The following MAN1A2 variants were observed in gnomAD, a reference collection of about 807,000 sequenced individuals.
MAN1A2 encodes the protein mannosidase alpha class 1A member 2, also known as mannosyl-oligosaccharide 1,2-alpha-mannosidase IB.
A neutral mutation model predicts 75.7 loss-of-function variants in MAN1A2; 26 were observed. The ratio of observed to expected loss-of-function variants is 0.34; its 90% CI spans 0.25 to 0.48. The LOEUF is 0.48. MAN1A2 is among the 20% of genes least tolerant of loss of function. MAN1A2 has a pLI of 0.99. For missense variants in MAN1A2, 562 were observed against 775.5 expected (o/e 0.72, Z 3.27); for synonymous variants, 247 against 264.6 (o/e 0.93, Z 0.65).
At chr1:117,420,379 CA>C (rs1418742085) in intron 4 of MAN1A2, among the ~76,000 whole-genome samples, 189 bp from the exon 5 acceptor site, 3 of 151,928 alleles carry the variant, frequency 2.0e-5, no homozygotes, top group Non-Finnish European at 2.9e-5. Flanking sequence ...GCTGTGGTGA[CA>C]GCAGTAGAGA....
chr1:117,449,187 A>G (rs1043748478), intron 6 of MAN1A2, among the ~76,000 whole-genome samples: 5 of 152,104 alleles, frequency 3.3e-5, no homozygotes, highest in Admixed American at 2.0e-4. Context: ...AGACAGAACA[A>G]TGCCAATAAA....
chr1:117,428,063 A>C (rs1319881551), intron 5 of MAN1A2, among the ~76,000 whole-genome samples: 2 of 152,000 alleles, frequency 1.3e-5, no homozygotes, highest in Non-Finnish European at 2.9e-5. Context: ...AGACACGTAT[A>C]GCTTAACCAC....
intron 8 of MAN1A2, among the ~76,000 whole-genome samples, chr1:117,488,720 G>T (rs1195634829): frequency 6.6e-6 from 1 of 152,074 alleles, no homozygotes; most frequent in East Asian, 1.9e-4. Flanking sequence ...TAAAAAAAGT[G>T]AGAAGTAATA....
intron 7 of MAN1A2, among the ~76,000 whole-genome samples, chr1:117,465,910 A>G (rs1416281700): frequency 2.0e-5 from 3 of 152,186 alleles, no homozygotes; most frequent in Non-Finnish European, 4.4e-5. Flanking sequence ...TTCAATTCAA[A>G]TTAATAACTT....
intron 5 of MAN1A2, among the ~76,000 whole-genome samples, chr1:117,436,052 C>T (rs1407370863): frequency 6.6e-6 from 1 of 151,062 alleles, no homozygotes; most frequent in Non-Finnish European, 1.5e-5. Flanking sequence ...AGTGAGACTC[C>T]GTTTCAAAAA....
At chr1:117,373,538 C>T (rs1460330669) in intron 1 of MAN1A2, among the ~76,000 whole-genome samples, 1 of 144,014 alleles carries the variant, frequency 6.9e-6, no homozygotes, top group Non-Finnish European at 1.5e-5. Context: ...AGTGCAGTGG[C>T]ACAATTACAG....
chr1:117,408,455 G>A lies in MAN1A2; in HGVS notation c.655+2810G>A, dbSNP rs12081574. Among the ~76,000 whole-genome samples, 583 of 151,494 alleles carry A rather than the reference G, an allele frequency of 3.8e-3. 7 individuals carry two copies. Among genetic ancestry groups the A allele is most frequent in the African/African-American group, 0.013 (554 of 41,156 alleles). On this transcript the variant is annotated intron_variant, in intron 3 of 12. Transcript: ENST00000356554. ...TTGATTTTGCAATGCTCTTTGAAGG[G>A]TGCATTTTATTTTCCAGGTGTGTGT...
At chr1:117,411,739 A>G (rs1291444062) in intron 3 of MAN1A2, among the ~76,000 whole-genome samples, 2 of 151,804 alleles carry the variant, frequency 1.3e-5, no homozygotes, top group African/African-American at 2.4e-5. Context: ...AAGCACATCA[A>G]TAAGCAGGGA....
rs764342721 is a variant in MAN1A2, at chr1:117,525,061, G to T, written c.*2104G>T. 1.9e-6 allele frequency: 1 copy of T among 513,128 alleles called. No individual in the cohort carries two copies. Among genetic ancestry groups the T allele is most frequent in the Admixed American group, 2.1e-5 (1 of 48,712 alleles). The allele number at this position is 513,128 out of a possible 1,614,324, so 31.8% of individuals were successfully genotyped here. A position where few individuals can be genotyped will look rare whatever the true frequency, so the allele number is the denominator to read the frequency against. On this transcript the variant is annotated 3_prime_UTR_variant, in exon 13 of 13. Coordinates refer to ENST00000356554, the MANE Select transcript of MAN1A2 (RefSeq NM_006699.5). ...CTTTTACCTTATTTAGAAGAATGCA[G>T]AGTAAAGGGACCTTCTTGGTTCTGC...
intron 12 of MAN1A2, among the ~76,000 whole-genome samples, chr1:117,509,858 C>T (rs780597851): frequency 1.8e-4 from 27 of 151,480 alleles, no homozygotes; most frequent in Non-Finnish European, 3.4e-4. Flanking sequence ...CATCCAATCT[C>T]ACTTCCCAAA....
intron 8 of MAN1A2, 75 bp downstream of exon 8, chr1:117,466,502 A>C: frequency 1.0e-6 from 1 of 960,948 alleles, no homozygotes; most frequent in Non-Finnish European, 1.6e-6. Flanking sequence ...TGTTGTAAAA[A>C]GTACACTACG....
intron 5 of MAN1A2, among the ~76,000 whole-genome samples, chr1:117,430,046 T>A: frequency 3.2e-5 from 1 of 31,468 alleles, no homozygotes; most frequent in Non-Finnish European, 6.1e-5. Flanking sequence ...CCCCCCCACC[T>A]CCCTCCCGGA....
rs55923337 is a variant in MAN1A2, at chr1:117,464,356, C to CAAAAAA, written c.1075-1973_1075-1968dup. ...CCTGGGCGACAGAGCAAGACTCTGT[C>CAAAAAA]AAAAAAAAAAGAAACAGAACACTGC... On this transcript the variant is annotated intron_variant, in intron 7 of 12. Transcript: ENST00000356554. Among the ~76,000 whole-genome samples, 209 of 131,986 alleles carry CAAAAAA rather than the reference C, an allele frequency of 1.6e-3. 12 individuals carry two copies. Among genetic ancestry groups the CAAAAAA allele is most frequent in the Middle Eastern group, 3.9e-3 (1 of 256 alleles). The allele number at this position is 131,986 out of a possible 152,430, so 86.6% of individuals were successfully genotyped here.
At chr1:117,404,138 A>G (rs1473529486) in intron 2 of MAN1A2, among the ~76,000 whole-genome samples, 1 of 152,066 alleles carries the variant, frequency 6.6e-6, no homozygotes, top group Admixed American at 6.6e-5. Context: ...GTGGTATGGT[A>G]TCTGTCTTAG....
chr1:117,429,833 G>C (rs1332621943), intron 5 of MAN1A2, among the ~76,000 whole-genome samples: 387 of 51,728 alleles, frequency 7.5e-3, no homozygotes, highest in Non-Finnish European at 9.8e-3. Flanking sequence ...CCCTCCCGGA[G>C]GGGGCGGCTG....
chr1:117,430,094 T>A (rs1166981386), intron 5 of MAN1A2, among the ~76,000 whole-genome samples: 1 of 33,172 alleles, frequency 3.0e-5, no homozygotes, highest in Non-Finnish European at 5.5e-5. Context: ...GACCCCCCCA[T>A]CTCCCTCCCG....
intron 8 of MAN1A2, among the ~76,000 whole-genome samples, chr1:117,488,718 G>C (rs1255298176): frequency 2.0e-5 from 3 of 152,052 alleles, no homozygotes; most frequent in Admixed American, 1.3e-4. Context: ...ATTAAAAAAA[G>C]TGAGAAGTAA....
intron 2 of MAN1A2, among the ~76,000 whole-genome samples, chr1:117,404,802 C>T (rs1570716335): frequency 6.6e-6 from 1 of 152,094 alleles, no homozygotes. Context: ...CACCTGTAAT[C>T]CCAGCACTTT....
intron 4 of MAN1A2, among the ~76,000 whole-genome samples, chr1:117,416,618 A>G (rs1339716182): frequency 6.6e-6 from 1 of 152,182 alleles, no homozygotes; most frequent in Non-Finnish European, 1.5e-5. Flanking sequence ...TAGAATTGTT[A>G]TCCAACTAAT....
Sources: gnomAD v4.1 joint callset for allele counts (sites outside exome capture counted in the v4.1 genomes callset) on GRCh38, gnomAD v4.1.1 for gene constraint, MANE v1.5 for transcripts, NCBI Gene and HGNC (gene_info 2026-07-23, HGNC 2026-07-21) for gene names.